SLC44A5: variants seen among roughly 807,000 people sequenced by gnomAD.
SLC44A5 encodes choline transporter-like protein 5.
Under a neutral mutation model 101.8 loss-of-function variants are expected in SLC44A5, and 57 were observed. That is an observed-to-expected ratio of 0.56 (90% CI 0.45 to 0.70). The LOEUF is 0.70. SLC44A5 is among the 30% of genes least tolerant of loss of function. The probability of loss-of-function intolerance (pLI) is 0.00; values close to 1 mark genes in which losing one functional copy is unlikely to be tolerated. For synonymous variants in SLC44A5, 281 were observed against 290.9 expected (o/e 0.97, Z 0.35); for missense variants, 737 against 853.1 (o/e 0.86, Z 1.70).
chr1:75,427,338 A>G lies in SLC44A5; in HGVS notation c.14-30717T>C, dbSNP rs1481028041. ...AGCTATCATTTATTTCTCCTAAACAAATCAGTCTAAATTAGAGCTTGCCAT... is the reference window on the plus strand; with the variant it reads ...AGCTATCATTTATTTCTCCTAAACAGATCAGTCTAAATTAGAGCTTGCCAT... On this transcript the variant is annotated intron_variant, in intron 2 of 23. Coordinates refer to ENST00000370859, the MANE Select transcript of SLC44A5 (RefSeq NM_001130058.2). Among the ~76,000 whole-genome samples the G allele has an allele frequency of 2.0e-5, 3 of 152,338 alleles. No homozygotes were observed. In the East Asian group the frequency reaches 5.8e-4, roughly 29 times the overall value.
intron 3 of SLC44A5, among the ~76,000 whole-genome samples, chr1:75,365,431 CTG>C (rs1434232238): frequency 6.6e-6 from 1 of 152,178 alleles, no homozygotes; most frequent in Non-Finnish European, 1.5e-5. Flanking sequence ...ATTTGGTTTT[CTG>C]TTCCTGCATT....
At position 75,279,129 on chromosome 1, in the gene SLC44A5, G is replaced by T. The variant is rs185254795; in HGVS notation, c.176-4087C>A. On this transcript the variant is annotated intron_variant, in intron 5 of 23. Transcript: ENST00000370859. ...TTAACTACAGTTTCCCCACTGTACT[G>T]TCAGATACTAAAATTTATTCCTTTG... is the stretch of plus-strand genomic sequence containing the variant. Among the ~76,000 whole-genome samples, 427 of 152,000 alleles carry T rather than the reference G, an allele frequency of 2.8e-3. 1 individual carries two copies. The highest frequency in any genetic ancestry group is 9.9e-3 in the African/African-American group (412 of 41,450).
chr1:75,682,935 A>C, the SLC44A5 span, among the ~76,000 whole-genome samples: 1 of 152,208 alleles, frequency 6.6e-6, no homozygotes, highest in African/African-American at 2.4e-5. Flanking sequence ...CCCATCAAAA[A>C]GTGGGCGAAG....
chr1:75,703,550 T>A, the SLC44A5 span, among the ~76,000 whole-genome samples: 2 of 151,946 alleles, frequency 1.3e-5, no homozygotes, highest in Non-Finnish European at 2.9e-5. Flanking sequence ...TTAGGAGATA[T>A]ACCTAATGTT....
chr1:75,528,346 T>A (rs1035423288), intron 2 of SLC44A5, among the ~76,000 whole-genome samples: 1 of 152,136 alleles, frequency 6.6e-6, no homozygotes, highest in Non-Finnish European at 1.5e-5. Flanking sequence ...AATATATATT[T>A]TATAAAATTA....
At chr1:75,496,677 C>T (rs376468692) in intron 2 of SLC44A5, among the ~76,000 whole-genome samples, 183 of 148,730 alleles carry the variant, frequency 1.2e-3, no homozygotes, top group South Asian at 2.1e-3. Context: ...GCAAAGGAAA[C>T]GATAAGATGA....
At chr1:75,645,089 G>C in the SLC44A5 span, among the ~76,000 whole-genome samples, 2 of 152,052 alleles carry the variant, frequency 1.3e-5, no homozygotes, top group African/African-American at 4.8e-5. Flanking sequence ...ATAAACATAT[G>C]TGTGCATGTG....
intron 5 of SLC44A5, among the ~76,000 whole-genome samples, chr1:75,286,461 A>G (rs1653057171): frequency 6.6e-6 from 1 of 152,098 alleles, no homozygotes. Context: ...CATTTACATC[A>G]TTTACATTCA....
At chr1:75,434,254 C>T (rs1664767706) in intron 2 of SLC44A5, among the ~76,000 whole-genome samples, 2 of 152,168 alleles carry the variant, frequency 1.3e-5, no homozygotes, top group Admixed American at 6.6e-5. Context: ...GTGTCAACAA[C>T]TCTTGATACT....
At chr1:75,695,391 G>C in the SLC44A5 span, among the ~76,000 whole-genome samples, 1 of 152,128 alleles carries the variant, frequency 6.6e-6, no homozygotes, top group Non-Finnish European at 1.5e-5. Context: ...GGTGTCTCCT[G>C]GAGCTGTTTA....
chr1:75,482,853 C>T (rs745773324), intron 2 of SLC44A5, among the ~76,000 whole-genome samples: 4 of 152,038 alleles, frequency 2.6e-5, no homozygotes, highest in Admixed American at 6.6e-5. Context: ...TCCTGTATTA[C>T]TTGATAAGGT....
the SLC44A5 span, among the ~76,000 whole-genome samples, chr1:75,686,629 G>A: frequency 6.6e-6 from 1 of 152,174 alleles, no homozygotes; most frequent in African/African-American, 2.4e-5. Context: ...CTTTTAGTAA[G>A]GTGAGAAGTA....
At chr1:75,410,828 C>A (rs1443955330) in intron 2 of SLC44A5, among the ~76,000 whole-genome samples, 1 of 152,052 alleles carries the variant, frequency 6.6e-6, no homozygotes, top group Non-Finnish European at 1.5e-5. Flanking sequence ...GTATTGTTTT[C>A]ATTCATTCAC....
At chr1:75,613,071 A>G (rs1010693475), upstream of SLC44A5, among the ~76,000 whole-genome samples, 12 of 152,198 alleles carry the variant, frequency 7.9e-5, no homozygotes, top group Admixed American at 5.2e-4. Flanking sequence ...TCTTTGGCCA[A>G]TTTCTAGGCT....
chr1:75,400,037 G>A (rs1014770005), intron 2 of SLC44A5, among the ~76,000 whole-genome samples: 22 of 152,182 alleles, frequency 1.4e-4, no homozygotes, highest in African/African-American at 2.4e-4. Context: ...TAGCAGCAAC[G>A]TGGGTGAAGC....
intron 2 of SLC44A5, among the ~76,000 whole-genome samples, chr1:75,480,020 C>A (rs1308480785): frequency 6.6e-6 from 1 of 152,114 alleles, no homozygotes; most frequent in African/African-American, 2.4e-5. Context: ...ACTGGCAAAC[C>A]GAATCTGGCA....
chr1:75,440,899 G>A (rs1050466667), intron 2 of SLC44A5, among the ~76,000 whole-genome samples: 2 of 151,552 alleles, frequency 1.3e-5, no homozygotes, highest in Non-Finnish European at 2.9e-5. Flanking sequence ...GGCAGGCAAT[G>A]ATATTGGGAG....
At chr1:75,717,967 T>A in the SLC44A5 span, among the ~76,000 whole-genome samples, 1 of 152,226 alleles carries the variant, frequency 6.6e-6, no homozygotes, top group Non-Finnish European at 1.5e-5. Context: ...AATTCCCTAC[T>A]GGGAACACAA....
intron 3 of SLC44A5, among the ~76,000 whole-genome samples, chr1:75,354,586 C>A (rs1044855869): frequency 2.0e-5 from 3 of 152,188 alleles, no homozygotes; most frequent in South Asian, 2.1e-4. Context: ...CTCACGATGG[C>A]CCCCTGGTCC....
Sources: gnomAD v4.1 joint callset for allele counts (sites outside exome capture counted in the v4.1 genomes callset) on GRCh38, gnomAD v4.1.1 for gene constraint, MANE v1.5 for transcripts, NCBI Gene and HGNC (gene_info 2026-07-23, HGNC 2026-07-21) for gene names.